Variants in PPM1A observed in about 807,000 individuals in gnomAD.
PPM1A encodes the protein protein phosphatase 1A.
Under a neutral mutation model 35.0 loss-of-function variants are expected in PPM1A, and 7 were observed. The ratio of observed to expected loss-of-function variants is 0.20; its 90% confidence interval spans 0.11 to 0.38. PPM1A has a LOEUF of 0.38. Among genes scored for constraint, PPM1A ranks in the 10% least tolerant of loss-of-function variants. PPM1A has a pLI of 1.00. For missense variants in PPM1A, 239 were observed against 467.8 expected, an observed-to-expected ratio of 0.51 and a Z score of 4.51; for synonymous variants, 153 against 167.3, an observed-to-expected ratio of 0.91 and a Z score of 0.66.
intron 1 of PPM1A, among the ~76,000 whole-genome samples, chr14:60,259,885 A>G (rs1023619127): frequency 6.6e-6 from 1 of 152,072 alleles, no homozygotes; most frequent in Non-Finnish European, 1.5e-5. Context: ...TGTGTAATAC[A>G]TGCCTTTATA....
intron 1 of PPM1A, among the ~76,000 whole-genome samples, chr14:60,271,823 G>A (rs1161840192): frequency 1.3e-5 from 2 of 151,744 alleles, no homozygotes; most frequent in African/African-American, 2.4e-5. Context: ...TGATTTTAAA[G>A]TATTACTTTA....
At chr14:60,254,723 C>CT (rs919029613) in intron 1 of PPM1A, among the ~76,000 whole-genome samples, 1 of 152,206 alleles carries the variant, frequency 6.6e-6, no homozygotes, top group Admixed American at 6.5e-5. Flanking sequence ...CAACTGGTCT[C>CT]TTTCCTGCTA....
chr14:60,282,686 C>G lies in PPM1A; in HGVS notation c.-18C>G, dbSNP rs1052434132. ...TTCCTGTTTCTCTTCCTTTGCAGACCTAGAGGATCAAGACATAATGGGAGC... is the reference window on the plus strand; with the variant it reads ...TTCCTGTTTCTCTTCCTTTGCAGACGTAGAGGATCAAGACATAATGGGAGC... On this transcript the variant is annotated splice_region_variant and 5_prime_UTR_variant, in exon 2 of 6. Coordinates refer to ENST00000395076, the MANE Select transcript of PPM1A (RefSeq NM_021003.5). This position sits in a 1 kb window ranked among gnomAD's most constrained non-coding sequence, Gnocchi z 5.1. 6.2e-7 allele frequency: 1 copy of G among 1,612,414 alleles called. No homozygotes were observed. Among genetic ancestry groups the G allele is most frequent in the African/African-American group, 1.3e-5 (1 of 74,858 alleles).
chr14:60,249,061 C>T (rs1555338237), upstream of PPM1A, among the ~76,000 whole-genome samples: 1 of 151,954 alleles, frequency 6.6e-6, no homozygotes, highest in Non-Finnish European at 1.5e-5. This position sits in a 1 kb window ranked among gnomAD's most constrained non-coding sequence, Gnocchi z 4.5. Context: ...CCCTCCCCCG[C>T]CCGCCAGCCC....
At chr14:60,266,464 C>T (rs148545932) in intron 1 of PPM1A, among the ~76,000 whole-genome samples, 1 of 152,150 alleles carries the variant, frequency 6.6e-6, no homozygotes, top group Non-Finnish European at 1.5e-5. Flanking sequence ...GAAATATTTG[C>T]ATACATCTAC....
Position 60,291,456 on chromosome 14 carries a change from TA to T in PPM1A, c.1119+4del. The T allele has an allele frequency of 6.4e-7, 1 of 1,572,924 alleles. No homozygotes were observed. Among genetic ancestry groups the T allele is most frequent in the Non-Finnish European group, 8.7e-7 (1 of 1,152,634 alleles). ...AATCCTTACAAAAATGACGACACTG[TA>T]AGTAGCATTTTAGCTCCCTCTGCTT... is the stretch of plus-strand genomic sequence containing the variant. On this transcript the variant is annotated splice_donor_region_variant and intron_variant, in intron 5 of 5. Coordinates refer to ENST00000395076, the MANE Select transcript of PPM1A (RefSeq NM_021003.5).
intron 2 of PPM1A, among the ~76,000 whole-genome samples, chr14:60,284,186 C>T (rs1886695331): frequency 6.6e-6 from 1 of 152,108 alleles, no homozygotes; most frequent in Non-Finnish European, 1.5e-5. Flanking sequence ...GCTAGCTCAG[C>T]CCCTTTATTT....
At chr14:60,271,593 A>G (rs1333120139) in intron 1 of PPM1A, among the ~76,000 whole-genome samples, 1 of 152,220 alleles carries the variant, frequency 6.6e-6, no homozygotes, top group Non-Finnish European at 1.5e-5. Context: ...GTCAATAAGG[A>G]TTGCTAGGGA....
At chr14:60,255,297 G>A (rs970650088) in intron 1 of PPM1A, among the ~76,000 whole-genome samples, 6 of 149,072 alleles carry the variant, frequency 4.0e-5, no homozygotes, top group Admixed American at 1.3e-4. Context: ...TCAGCCTCCC[G>A]AGTAGCTGGG....
At chr14:60,250,131 TC>T (rs2139304326) in intron 1 of PPM1A, among the ~76,000 whole-genome samples, 1 of 152,106 alleles carries the variant, frequency 6.6e-6, no homozygotes, top group Admixed American at 6.5e-5. Flanking sequence ...CGGGGAGACT[TC>T]CTTTGAACCG....
At chr14:60,291,862 A>G (rs1331271943) in intron 5 of PPM1A, among the ~76,000 whole-genome samples, 2 of 151,760 alleles carry the variant, frequency 1.3e-5, no homozygotes, top group Admixed American at 6.6e-5. Flanking sequence ...TCTCAACTAA[A>G]TAGTTCTTAT....
At position 60,292,629 on chromosome 14, in the gene PPM1A, C is replaced by A; in HGVS notation, c.*147C>A. On this transcript the variant is annotated 3_prime_UTR_variant, in exon 6 of 6. Coordinates refer to ENST00000395076, the MANE Select transcript of PPM1A (RefSeq NM_021003.5). This position sits in a 1 kb window ranked among gnomAD's most constrained non-coding sequence, Gnocchi z 4.2. ...ATTACATCAGAGAACTTCAGCAGTA[C>A]AACAGCTAGCCCAGAACTGATTTTT... 6 of 482,216 alleles carry A rather than the reference C, an allele frequency of 1.2e-5. No individual in the cohort carries two copies. The highest frequency in any genetic ancestry group is 1.8e-5 in the Non-Finnish European group (5 of 281,624). The allele number at this position is 482,216 out of a possible 1,614,324, so 29.9% of individuals were successfully genotyped here.
Position 60,249,257 on chromosome 14 carries a change from G to T in PPM1A, c.-441G>T. On this transcript the variant is annotated 5_prime_UTR_variant, in exon 1 of 6. Coordinates refer to ENST00000395076, the MANE Select transcript of PPM1A (RefSeq NM_021003.5). The surrounding 1 kb of genome is among the most constrained non-coding windows in gnomAD (Gnocchi z 4.5). ...CGGCGGCGGTGGCGGCGCTAGGGACGGGAGCGCGCGCGGGAGCTAGAGAGC... is the reference window on the plus strand; with the variant it reads ...CGGCGGCGGTGGCGGCGCTAGGGACTGGAGCGCGCGCGGGAGCTAGAGAGC... 1 of 987,106 alleles carries T rather than the reference G, an allele frequency of 1.0e-6. No homozygotes were observed. Among genetic ancestry groups the T allele is most frequent in the Non-Finnish European group, 1.2e-6 (1 of 831,554 alleles). 61.1% of individuals were successfully genotyped at this position (987,106 alleles called of 1,614,324 possible).
rs1888262891 is a variant in PPM1A, at chr14:60,298,947, A to T, written c.*6465A>T. 6.6e-6 allele frequency: 1 copy of T among 151,808 alleles called. No individual in the cohort carries two copies. Among genetic ancestry groups the T allele is most frequent in the Admixed American group, 6.6e-5 (1 of 15,218 alleles). The allele number at this position is 151,808 out of a possible 1,614,324, so 9.4% of individuals were successfully genotyped here. On this transcript the variant is annotated 3_prime_UTR_variant, in exon 6 of 6. Transcript: ENST00000395076. ...AATATGTGAATTCAGTTCTAACTTT[A>T]AGAATGTACTGTTTGTTTTCAAGTT... is the stretch of plus-strand genomic sequence containing the variant.
intron 1 of PPM1A, among the ~76,000 whole-genome samples, chr14:60,258,430 A>G (rs1883382008): frequency 6.6e-6 from 1 of 152,136 alleles, no homozygotes; most frequent in Non-Finnish European, 1.5e-5. Context: ...GGGAAAGAAA[A>G]TGTGTGGGCT....
chr14:60,256,866 A>G (rs1883195282), intron 1 of PPM1A: 1 of 152,234 alleles, frequency 6.6e-6, no homozygotes, highest in African/African-American at 2.4e-5. Flanking sequence ...TACTGCGGAA[A>G]GTAAGTCTCT....
chr14:60,261,053 T>C (rs1883694545), intron 1 of PPM1A, among the ~76,000 whole-genome samples: 1 of 149,742 alleles, frequency 6.7e-6, no homozygotes, highest in Admixed American at 6.6e-5. Flanking sequence ...AAAATACCAC[T>C]TAAGTCTTAA....
At chr14:60,247,614 C>A (rs569492366), upstream of PPM1A, among the ~76,000 whole-genome samples, 1 of 110,594 alleles carries the variant, frequency 9.0e-6, no homozygotes, top group Non-Finnish European at 1.6e-5. Flanking sequence ...GATGAAAGAG[C>A]GAGACTCTGT....
intron 3 of PPM1A, chr14:60,286,246 G>C: frequency 1.0e-6 from 1 of 985,870 alleles, no homozygotes; most frequent in Non-Finnish European, 1.2e-6. Context: ...AACTGTTTCA[G>C]AGCTTCTTCC....
Sources: allele counts gnomAD v4.1 joint callset (sites outside exome capture counted in the v4.1 genomes callset), GRCh38; gene constraint gnomAD v4.1.1; non-coding constraint Gnocchi (gnomAD v3.1); transcripts MANE v1.5; gene names NCBI Gene and HGNC (gene_info 2026-07-23, HGNC 2026-07-21).